ITGAD: variants seen among roughly 807,000 people sequenced by gnomAD.
ITGAD encodes integrin alpha-D.
Under a neutral mutation model 139.0 loss-of-function variants are expected in ITGAD, and 105 were observed. The ratio of observed to expected loss-of-function variants is 0.76; its 90% CI spans 0.65 to 0.89. The LOEUF is 0.89. Among genes scored for constraint, ITGAD ranks in the 40% least tolerant of loss-of-function variants. The pLI is 0.00. For missense variants in ITGAD, 1,384 were observed against 1,487.3 expected, an observed-to-expected ratio of 0.93 and a Z score of 1.14; for synonymous variants, 569 against 598.3, an observed-to-expected ratio of 0.95 and a Z score of 0.71.
intron 9 of ITGAD, 44 bp downstream of exon 9, chr16:31,407,960 C>A: frequency 1.3e-6 from 2 of 1,518,406 alleles, no homozygotes; most frequent in South Asian, 1.3e-5. Context: ...GGGGTCCCCA[C>A]CCAATTGTCC....
rs768808534 is a variant in ITGAD at position 31,424,563 on chromosome 16, G to A, written c.3358G>A (p.Ala1120Thr). The change falls in exon 29 of 30, where the codon GCC becomes ACC. Residue 1120 changes from alanine (A) to threonine (T), a missense_variant. Coordinates refer to ENST00000389202, the MANE Select transcript of ITGAD (RefSeq NM_005353.3). ...GALLLLALITATLYKLGFFKR... is the reference protein window; with the variant it reads ...GALLLLALITTTLYKLGFFKR... Reference sequence around the variant, plus strand: ...TCTGCTACTGCTGGCGCTCATCACAGCCACACTGTACAAGGCAAGTGTTTT... The same window carrying A: ...TCTGCTACTGCTGGCGCTCATCACAACCACACTGTACAAGGCAAGTGTTTT... 2.5e-6 allele frequency: 4 copies of A among 1,607,440 alleles called. No individual in the cohort carries two copies. Among genetic ancestry groups the A allele is most frequent in the Middle Eastern group, 1.7e-4 (1 of 5,848 alleles).
intron 4 of ITGAD, 40 bp downstream of exon 4, chr16:31,397,706 C>CCCCGGG: frequency 2.0e-5 from 6 of 299,948 alleles, no homozygotes; most frequent in Non-Finnish European, 3.3e-5. Context: ...TGGGGTGGGG[C>CCCCGGG]GGGGGGTGTT....
At chr16:31,409,340 A>AG (rs938578450) in intron 10 of ITGAD, among the ~76,000 whole-genome samples, 3 of 146,388 alleles carry the variant, frequency 2.0e-5, no homozygotes, top group African/African-American at 7.8e-5. Flanking sequence ...AAACAAAGCA[A>AG]AAAAAAACAA....
chr16:31,398,053 C>G, intron 5 of ITGAD, 144 bp downstream of exon 5: 3 of 615,886 alleles, frequency 4.9e-6, no homozygotes, highest in East Asian at 5.5e-5. Context: ...GAGGGTGGCT[C>G]AGGCAGGAGC....
At chr16:31,411,861 G>A (rs1248897395) in intron 14 of ITGAD, among the ~76,000 whole-genome samples, 1 of 152,204 alleles carries the variant, frequency 6.6e-6, no homozygotes, top group Non-Finnish European at 1.5e-5. Context: ...TAGGCCTCTT[G>A]TAGAAATAAC....
Position 31,406,072 on chromosome 16 carries a change from CT to C in ITGAD, c.705-1433del, listed in dbSNP as rs374135418. Among the ~76,000 whole-genome samples the C allele has an allele frequency of 1.7e-3, 246 of 147,532 alleles. 2 individuals are homozygous for C. The highest frequency in any genetic ancestry group is 5.2e-3 in the African/African-American group (210 of 40,244). ...ATAGAGTTACATGAGCAGGTAGTTA[CT>C]TTTTTTTTTCTTTTTTTTTGAGACG... On this transcript the variant is annotated intron_variant, in intron 7 of 29. Coordinates refer to ENST00000389202, the MANE Select transcript of ITGAD (RefSeq NM_005353.3).
intron 5 of ITGAD, among the ~76,000 whole-genome samples, chr16:31,400,933 G>A (rs1308045290): frequency 1.3e-5 from 2 of 152,126 alleles, no homozygotes; most frequent in African/African-American, 4.8e-5. Flanking sequence ...CCGCACCCAT[G>A]GGAGCATGAA....
In ITGAD at chr16:31,411,310, G is replaced by A. The variant is rs79722716; in HGVS notation, c.1500G>A (p.Arg500=). 8.3e-5 allele frequency: 134 copies of A among 1,611,666 alleles called. 1 individual carries two copies. In the East Asian group the frequency reaches 3.0e-3, roughly 36 times the overall value. ...QVSVCPLPRG[R]VQWQCDAVLR... ...CTGACACTGCTTGTGTTCAGCAGAGGGTGCAGTGGCAGTGTGACGCTGTTC... is the reference window on the plus strand; with the variant it reads ...CTGACACTGCTTGTGTTCAGCAGAGAGTGCAGTGGCAGTGTGACGCTGTTC... The change falls in exon 14 of 30, where the codon AGG becomes AGA. Residue 500 remains arginine, a splice_region_variant and synonymous_variant. Transcript: ENST00000389202.
At position 31,414,882 on chromosome 16, in the gene ITGAD, G is replaced by C. The variant is rs761461114; in HGVS notation, c.2174G>C (p.Ser725Thr). The stretch of plus-strand genomic sequence containing the variant: ...CAGGATTGTGTGGAGGATGTGGTGA[G>C]CCCCATCATTCTGCACCTCAACTTC... ...LLPDCVEDVV[S>T]PIILHLNFSL... The change falls in exon 18 of 30, where the codon AGC (serine) becomes ACC (threonine). Residue 725 changes from serine to threonine, a missense_variant. Transcript: ENST00000389202. 4 of 1,613,948 alleles carry C rather than the reference G, an allele frequency of 2.5e-6. No homozygotes were observed. Among genetic ancestry groups the C allele is most frequent in the Non-Finnish European group, 3.4e-6 (4 of 1,180,012 alleles).
rs371329584 is a variant in ITGAD at position 31,411,068 on chromosome 16, C to A, written c.1357-8C>A. ...GACAGGCAGCATGACCCAGGCTCTGCCCTCCAGATCGGCTCCTACTTCGGG... is the reference window on the plus strand; with the variant it reads ...GACAGGCAGCATGACCCAGGCTCTGACCTCCAGATCGGCTCCTACTTCGGG... On this transcript the variant is annotated splice_region_variant and splice_polypyrimidine_tract_variant and intron_variant, in intron 12 of 29. Transcript: ENST00000389202. 2.9e-5 allele frequency: 46 copies of A among 1,611,804 alleles called. No homozygotes were observed. Among genetic ancestry groups the A allele is most frequent in the Non-Finnish European group, 1.7e-6 (2 of 1,179,812 alleles).
Position 31,423,827 on chromosome 16 carries a change from C to A in ITGAD, c.3046-18C>A. 1 of 1,612,612 alleles carries A rather than the reference C, an allele frequency of 6.2e-7. No individual in the cohort carries two copies. Among genetic ancestry groups the A allele is most frequent in the Non-Finnish European group, 8.5e-7 (1 of 1,178,642 alleles). ...CTCAGGGAAGAACCCCTCAGTTTCA[C>A]CCCTCTTCTGCCCCCAGGACTGCTC... On this transcript the variant is annotated intron_variant, in intron 26 of 29. Transcript: ENST00000389202.
intron 16 of ITGAD, 125 bp from the exon 17 acceptor site, chr16:31,414,326 G>T: frequency 1.1e-6 from 1 of 936,200 alleles, no homozygotes. Flanking sequence ...TGTATCCCCA[G>T]CACGTGGTAC....
chr16:31,400,526 GAA>G (rs1336081809), intron 5 of ITGAD, among the ~76,000 whole-genome samples: 1 of 152,222 alleles, frequency 6.6e-6, no homozygotes, highest in Admixed American at 6.5e-5. Context: ...GGGACAGCAT[GAA>G]AAGTCTTATT....
intron 23 of ITGAD, among the ~76,000 whole-genome samples, chr16:31,421,936 TTTTG>T (rs1488805202): frequency 1.3e-5 from 2 of 151,956 alleles, no homozygotes; most frequent in Non-Finnish European, 2.9e-5. Context: ...TACTTTTGCT[TTTTG>T]TTTGTTTTGA....
chr16:31,424,420 G>T, intron 28 of ITGAD, 47 bp from the exon 29 acceptor site: 1 of 1,491,708 alleles, frequency 6.7e-7, no homozygotes, highest in Non-Finnish European at 9.3e-7. Context: ...AACCTGGGAG[G>T]CATCTGGGAT....
In ITGAD at chr16:31,403,214, C is replaced by T. The variant is rs187510442; in HGVS notation, c.559-286C>T. 2.0e-3 allele frequency: 639 copies of T among 321,150 alleles called. 3 individuals carry two copies. Among genetic ancestry groups the T allele is most frequent in the African/African-American group, 0.013 (595 of 46,750 alleles). The allele number at this position is 321,150 out of a possible 1,614,324, so 19.9% of individuals were successfully genotyped here. On this transcript the variant is annotated intron_variant, in intron 6 of 29. Transcript: ENST00000389202. The surrounding 1 kb of genome is among the most constrained non-coding windows in gnomAD (Gnocchi z 4.4). ...TATGGCTTGGTGTGGTGGCTCACAC[C>T]TGTAATCCCAGCACTTTGGGAGGCT...
At chr16:31,394,403 C>T (rs1053017765) in intron 2 of ITGAD, 62 bp downstream of exon 2, 47 of 1,307,236 alleles carry the variant, frequency 3.6e-5, no homozygotes, top group Middle Eastern at 3.9e-4. Context: ...GATGGGTACA[C>T]GTGGGTTACC....
intron 10 of ITGAD, among the ~76,000 whole-genome samples, chr16:31,410,119 C>G (rs962034839): frequency 1.3e-5 from 2 of 151,938 alleles, no homozygotes; most frequent in South Asian, 2.1e-4. Context: ...GCAGGGGTGG[C>G]TGCACATTTG....
At position 31,423,400 on chromosome 16, in the gene ITGAD, G is replaced by A; in HGVS notation, c.2908G>A (p.Val970Ile). Reference protein sequence around the residue: ...RDLAISINFWVPVLLNGVAVW... With the variant: ...RDLAISINFWIPVLLNGVAVW... ...TCTGGCCATCAGCATTAACTTCTGG[G>A]TTCCTGTCCTGCTGAACGGGGTGGC... Residue 970 changes from valine to isoleucine, a missense_variant, in exon 25 of 30, where the codon GTT becomes ATT. By Grantham distance (29) the Val-to-Ile change is conservative. Transcript: ENST00000389202. 6.2e-7 allele frequency: 1 copy of A among 1,614,140 alleles called. No individual in the cohort carries two copies. The highest frequency in any genetic ancestry group is 8.5e-7 in the Non-Finnish European group (1 of 1,180,030).
Sources: allele counts gnomAD v4.1 joint callset (sites outside exome capture counted in the v4.1 genomes callset), GRCh38; gene constraint gnomAD v4.1.1; non-coding constraint Gnocchi (gnomAD v3.1); transcripts MANE v1.5; gene names NCBI Gene and HGNC (gene_info 2026-07-23, HGNC 2026-07-21).